CCNL2: variants seen among roughly 807,000 people sequenced by gnomAD.
CCNL2 encodes cyclin-L2.
In CCNL2, 28 loss-of-function variants were observed where a neutral mutation model predicts 59.1. The observed-to-expected ratio is 0.47, with a 90% CI of 0.35 to 0.65. The LOEUF (loss-of-function observed/expected upper bound fraction) is 0.65. Ranked by LOEUF, CCNL2 falls within the 30% of genes least tolerant of loss-of-function variation. The pLI is 0.00. For synonymous variants in CCNL2, 342 were observed against 288.6 expected (o/e 1.19, Z -1.88); for missense variants, 714 against 717.4 (o/e 1.00, Z 0.05).
chr1:1,395,716 C>T lies in CCNL2; in HGVS notation c.474-202G>A, dbSNP rs2298286. ...CCTCCTCATCCCTTCCCAACGATCC[C>T]TCCCTGCTTTTCCTTATAGATCAAC... On this transcript the variant is annotated intron_variant, in intron 3 of 10. Transcript: ENST00000400809. Among the ~76,000 whole-genome samples the T allele has an allele frequency of 2.2e-4, 33 of 152,324 alleles. No individual in the cohort carries two copies. The East Asian group carries it at 5.8e-3, about 27-fold the overall frequency.
In CCNL2 at chr1:1,387,205, C is replaced by T. The variant is rs773747677; in HGVS notation, c.*26G>A. ...CAGGTACTCCCCAGGGAAGGGCTTGCGGCCACCAGTCACTGCAACCCCGCC... is the reference window on the plus strand; with the variant it reads ...CAGGTACTCCCCAGGGAAGGGCTTGTGGCCACCAGTCACTGCAACCCCGCC... On this transcript the variant is annotated 3_prime_UTR_variant, in exon 11 of 11. Transcript: ENST00000400809. The T allele has an allele frequency of 5.2e-5, 81 of 1,571,514 alleles. No individual in the cohort carries two copies. Among genetic ancestry groups the T allele is most frequent in the Middle Eastern group, 1.9e-4 (1 of 5,390 alleles).
chr1:1,386,050 T>C lies in CCNL2; in HGVS notation c.*1181A>G, dbSNP rs1298219394. ...TAAGTCCAAACGGTACCACCAGGAG[T>C]GGGGCCCCCTAGTCCCCAAAACCAA... On this transcript the variant is annotated 3_prime_UTR_variant, in exon 11 of 11. Transcript: ENST00000400809. 6.6e-6 allele frequency: 1 copy of C among 151,922 alleles called. No homozygotes were observed. The highest frequency in any genetic ancestry group is 6.6e-5 in the Admixed American group (1 of 15,248). The allele number at this position is 151,922 out of a possible 1,614,324, so 9.4% of individuals were successfully genotyped here.
Position 1,390,390 on chromosome 1 carries a change from G to A in CCNL2, c.865-19C>T. On this transcript the variant is annotated intron_variant, in intron 7 of 10. Coordinates refer to ENST00000400809, the MANE Select transcript of CCNL2 (RefSeq NM_030937.6). ...GATCAACCTGCAAAAGCCAGAAGGT[G>A]TCCGTTCAGAACCAGGTGTTTCTGG... The A allele has an allele frequency of 6.2e-7, 1 of 1,612,034 alleles. No homozygotes were observed. The highest frequency in any genetic ancestry group is 1.1e-5 in the South Asian group (1 of 91,054).
At chr1:1,391,097 A>G in intron 5 of CCNL2, 1 of 1,225,938 alleles carries the variant, frequency 8.2e-7, no homozygotes, top group Non-Finnish European at 1.0e-6. Flanking sequence ...ATTAGAAAAA[A>G]AAAAAGCTGG....
intron 8 of CCNL2, among the ~76,000 whole-genome samples, chr1:1,389,766 T>A (rs945994860): frequency 2.0e-5 from 3 of 152,058 alleles, no homozygotes; most frequent in African/African-American, 7.2e-5. Context: ...GAGACCATCC[T>A]GGCTAACCTG....
intron 9 of CCNL2, 28 bp downstream of exon 9, chr1:1,387,926 A>G: frequency 1.2e-6 from 2 of 1,613,306 alleles, no homozygotes; most frequent in Non-Finnish European, 1.7e-6. Context: ...CAACCCTGAC[A>G]GCCACCTGGG....
chr1:1,398,684 A>G lies in CCNL2; in HGVS notation c.289-13T>C. The G allele has an allele frequency of 6.2e-7, 1 of 1,611,044 alleles. No individual in the cohort carries two copies. The highest frequency in any genetic ancestry group is 1.1e-5 in the South Asian group (1 of 91,004). On this transcript the variant is annotated splice_polypyrimidine_tract_variant and intron_variant, in intron 1 of 10. Coordinates refer to ENST00000400809, the MANE Select transcript of CCNL2 (RefSeq NM_030937.6). ...TAGCCATGGCCACCTAGAGTAGAAG[A>G]AAGTTTCCGTATTTTCAAACGCACC...
rs753901516 is a variant in CCNL2 at position 1,387,476 on chromosome 1, C to T, written c.1318G>A (p.Gly440Ser). The T allele has an allele frequency of 1.7e-5, 28 of 1,610,304 alleles. No individual in the cohort carries two copies. Among genetic ancestry groups the T allele is most frequent in the African/African-American group, 5.4e-5 (4 of 74,518 alleles). ...TTCCGGGAGCCCCGAATCTCAGAGCCTTTGTAGGGAGCGCTGCGGGGGGCC... is the reference window on the plus strand; with the variant it reads ...TTCCGGGAGCCCCGAATCTCAGAGCTTTTGTAGGGAGCGCTGCGGGGGGCC... ...RQAPRSAPYKGSEIRGSRKSK... is the reference protein window; with the variant it reads ...RQAPRSAPYKSSEIRGSRKSK... Residue 440 changes from glycine to serine, a missense_variant, in exon 11 of 11, where the codon GGC becomes AGC. Gly to Ser is a moderately conservative substitution (Grantham distance 56). Transcript: ENST00000400809.
chr1:1,396,916 CT>C (rs1262386718), intron 3 of CCNL2, among the ~76,000 whole-genome samples: 1 of 151,948 alleles, frequency 6.6e-6, no homozygotes, highest in Admixed American at 6.6e-5. Context: ...GCCTGGCTAA[CT>C]TTTTTGTATT....
chr1:1,392,535 G>A lies in CCNL2; in HGVS notation c.659+861C>T, dbSNP rs1276696704. 16 of 1,369,634 alleles carry A rather than the reference G, an allele frequency of 1.2e-5. No homozygotes were observed. The South Asian group carries it at 1.8e-4, about 16-fold the overall frequency. The allele number at this position is 1,369,634 out of a possible 1,614,324, so 84.8% of individuals were successfully genotyped here. A position where few individuals can be genotyped will look rare whatever the true frequency, so the allele number is the denominator to read the frequency against. Reference sequence around the variant, plus strand: ...ACTGCATCTTTATCATACAGGTACAGCAGTTTTAAAGGGACAAAATTCAAG... The same window carrying A: ...ACTGCATCTTTATCATACAGGTACAACAGTTTTAAAGGGACAAAATTCAAG... On this transcript the variant is annotated intron_variant, in intron 5 of 10. Transcript: ENST00000400809.
intron 5 of CCNL2, 45 bp from the exon 6 acceptor site, chr1:1,390,910 C>CT: frequency 6.7e-7 from 1 of 1,484,260 alleles, no homozygotes; most frequent in Non-Finnish European, 9.4e-7. Flanking sequence ...CACCCGGGAA[C>CT]CCAGGTCTTC....
chr1:1,398,960 C>G (rs1241133952), intron 1 of CCNL2, 59 bp downstream of exon 1: 7 of 1,506,412 alleles, frequency 4.6e-6, no homozygotes, highest in Admixed American at 2.2e-5. Flanking sequence ...TCGCCGCCAA[C>G]AAAGGCGGCT....
At chr1:1,396,673 C>G (rs928571304) in intron 3 of CCNL2, among the ~76,000 whole-genome samples, 5 of 150,386 alleles carry the variant, frequency 3.3e-5, no homozygotes, top group African/African-American at 9.8e-5. Flanking sequence ...TCTAACTCCC[C>G]GGTTCCAGCG....
In CCNL2 at chr1:1,387,002, T is replaced by C. The variant is rs758990893; in HGVS notation, c.*229A>G. 1.2e-4 allele frequency: 59 copies of C among 494,322 alleles called. 1 individual carries two copies. Among genetic ancestry groups the C allele is most frequent in the Admixed American group, 5.5e-4 (16 of 29,026 alleles). The allele number at this position is 494,322 out of a possible 1,614,324, so 30.6% of individuals were successfully genotyped here. On this transcript the variant is annotated 3_prime_UTR_variant, in exon 11 of 11. Coordinates refer to ENST00000400809, the MANE Select transcript of CCNL2 (RefSeq NM_030937.6). Reference sequence around the variant, plus strand: ...GAGCTGAGCCCTGCACGGGCCCAGGTGTGCGCCGCACCCCAGACCGGTCTG... The same window carrying C: ...GAGCTGAGCCCTGCACGGGCCCAGGCGTGCGCCGCACCCCAGACCGGTCTG...
chr1:1,390,133 A>T, intron 8 of CCNL2, 97 bp downstream of exon 8: 5 of 1,121,414 alleles, frequency 4.5e-6, no homozygotes, highest in Non-Finnish European at 5.0e-6. Flanking sequence ...AAAAAAAAAA[A>T]TGTCTGGAAG....
At chr1:1,394,749 C>CCAG (rs1644924912) in intron 4 of CCNL2, among the ~76,000 whole-genome samples, 1 of 65,754 alleles carries the variant, frequency 1.5e-5, no homozygotes, top group African/African-American at 6.2e-5. Context: ...GACTCCGTCT[C>CCAG]AAGAAAAAAA....
intron 2 of CCNL2, 108 bp downstream of exon 2, chr1:1,398,489 G>A: frequency 6.3e-7 from 1 of 1,575,136 alleles, no homozygotes; most frequent in Non-Finnish European, 8.7e-7. Context: ...CCGGCACAGA[G>A]CTCAGACTGG....
At chr1:1,388,521 AAAAAC>A (rs552821026) in intron 8 of CCNL2, 123 of 453,050 alleles carry the variant, frequency 2.7e-4, no homozygotes, top group Non-Finnish European at 3.6e-4. Context: ...CTGTCTCAAG[AAAAAC>A]AAAACAAAAC....
Position 1,392,247 on chromosome 1 carries a change from C to G in CCNL2, c.659+1149G>C, listed in dbSNP as rs191939238. On this transcript the variant is annotated intron_variant, in intron 5 of 10. Coordinates refer to ENST00000400809, the MANE Select transcript of CCNL2 (RefSeq NM_030937.6). Reference sequence around the variant, plus strand: ...TCAGTATTCAAGTAGTGATATTAATCCACGAACTTAAAATTCTTAAAAACA... The same window carrying G: ...TCAGTATTCAAGTAGTGATATTAATGCACGAACTTAAAATTCTTAAAAACA... 4,368 of 832,018 alleles carry G rather than the reference C, an allele frequency of 5.2e-3. 11 individuals carry two copies. The highest frequency in any genetic ancestry group is 5.9e-3 in the Non-Finnish European group (4,047 of 689,246). The allele number at this position is 832,018 out of a possible 1,614,324, so 51.5% of individuals were successfully genotyped here. A position where few individuals can be genotyped will look rare whatever the true frequency, so the allele number is the denominator to read the frequency against.
Sources: gnomAD v4.1 joint callset for allele counts (sites outside exome capture counted in the v4.1 genomes callset) on GRCh38, gnomAD v4.1.1 for gene constraint, MANE v1.5 for transcripts, NCBI Gene and HGNC (gene_info 2026-07-23, HGNC 2026-07-21) for gene names.